The following PTGR2 variants were observed in gnomAD, a reference collection of about 807,000 sequenced individuals.
The protein encoded by PTGR2 is prostaglandin reductase 2.
A neutral mutation model predicts 43.4 loss-of-function variants in PTGR2; 32 were observed. That is an observed-to-expected ratio of 0.74 (90% CI 0.56 to 0.99). The LOEUF is 0.99. PTGR2 is among the 50% of genes least tolerant of loss of function. PTGR2 has a pLI of 0.00. For missense variants in PTGR2, 373 were observed against 420.0 expected, an observed-to-expected ratio of 0.89 and a Z score of 0.98; for synonymous variants, 106 against 139.2, an observed-to-expected ratio of 0.76 and a Z score of 1.68.
intron 7 of PTGR2, among the ~76,000 whole-genome samples, chr14:73,880,610 A>C (rs371795860): frequency 1.6e-4 from 25 of 151,824 alleles, no homozygotes; most frequent in Non-Finnish European, 2.4e-4. Flanking sequence ...ACAAAAAAAA[A>C]CCTTTAAAAT....
At chr14:73,862,930 ACTC>A (rs1437933011) in intron 3 of PTGR2, among the ~76,000 whole-genome samples, 1 of 151,668 alleles carries the variant, frequency 6.6e-6, no homozygotes, top group Non-Finnish European at 1.5e-5. Flanking sequence ...TTGGTCTTGA[ACTC>A]CTGGACTCAA....
intron 1 of PTGR2, among the ~76,000 whole-genome samples, chr14:73,856,150 C>T (rs2054341366): frequency 6.6e-6 from 1 of 152,170 alleles, no homozygotes; most frequent in East Asian, 1.9e-4. Flanking sequence ...CACATTCCCT[C>T]ACCACTCACT....
intron 5 of PTGR2, 119 bp downstream of exon 5, chr14:73,877,287 CT>C: frequency 2.1e-6 from 2 of 959,694 alleles, no homozygotes; most frequent in Non-Finnish European, 3.0e-6. Context: ...TTTTTTTTTT[CT>C]TTTTTGAGAC....
intron 7 of PTGR2, among the ~76,000 whole-genome samples, chr14:73,880,598 A>C (rs566406993): frequency 4.3e-4 from 57 of 133,692 alleles, no homozygotes; most frequent in African/African-American, 1.3e-3. Flanking sequence ...AAAAAAAAAA[A>C]AACAAAAAAA....
Position 73,884,379 on chromosome 14 carries a change from ATTAC to A in PTGR2, c.*205_*208del, listed in dbSNP as rs556003258. On this transcript the variant is annotated 3_prime_UTR_variant, in exon 10 of 10. Transcript: ENST00000555661. Reference sequence around the variant, plus strand: ...TTTTAAAAATTAATAACTTTTAGTAATTACTTTTATTAATTTAAAATAGAACGCT... The same window carrying A: ...TTTTAAAAATTAATAACTTTTAGTAATTTTATTAATTTAAAATAGAACGCT... The A allele has an allele frequency of 8.5e-4, 334 of 391,816 alleles. No individual in the cohort carries two copies. Among genetic ancestry groups the A allele is most frequent in the African/African-American group, 6.3e-3 (296 of 47,250 alleles). The allele number at this position is 391,816 out of a possible 1,614,324, so 24.3% of individuals were successfully genotyped here.
chr14:73,877,711 T>C (rs2054897075), intron 5 of PTGR2: 1 of 152,128 alleles, frequency 6.6e-6, no homozygotes, highest in Non-Finnish European at 1.5e-5. Flanking sequence ...ATATAGTAAA[T>C]GCTAAAGCTT....
At position 73,873,654 on chromosome 14, in the gene PTGR2, GGGTTTCACCATGTT is replaced by G. The variant is rs750920208; in HGVS notation, c.157-366_157-353del. Among the ~76,000 whole-genome samples, 376 of 151,740 alleles carry G rather than the reference GGGTTTCACCATGTT, an allele frequency of 2.5e-3. 2 individuals are homozygous for G. The highest frequency in any genetic ancestry group is 4.4e-3 in the Non-Finnish European group (302 of 67,982). ...TAATTTTTGTATTTTTGCAGAGATG[GGGTTTCACCATGTT>G]GGCCAGGCTGTTCTTGAACTCCTGA... On this transcript the variant is annotated intron_variant, in intron 3 of 9. Coordinates refer to ENST00000555661, the MANE Select transcript of PTGR2 (RefSeq NM_001146154.2).
chr14:73,876,621 G>A (rs534791356), intron 4 of PTGR2, among the ~76,000 whole-genome samples: 9 of 151,580 alleles, frequency 5.9e-5, no homozygotes, highest in African/African-American at 1.4e-4. Context: ...GATTACAGGC[G>A]CATGCCACCA....
intron 1 of PTGR2, chr14:73,858,079 T>C (rs2054402716): frequency 6.6e-6 from 1 of 152,078 alleles, no homozygotes; most frequent in South Asian, 2.1e-4. Flanking sequence ...AAGTGCAGTA[T>C]TGAGAAGGGA....
intron 9 of PTGR2, among the ~76,000 whole-genome samples, chr14:73,883,227 A>C (rs1358853343): frequency 1.5e-5 from 1 of 65,300 alleles, no homozygotes; most frequent in Admixed American, 2.2e-4. Flanking sequence ...TTTTAAAGAG[A>C]TGATCTTGCT....
intron 9 of PTGR2, among the ~76,000 whole-genome samples, 189 bp downstream of exon 9, chr14:73,882,627 A>T (rs527484038): frequency 1.3e-4 from 20 of 151,960 alleles, no homozygotes; most frequent in African/African-American, 4.8e-4. Flanking sequence ...CAGCCTCCCA[A>T]GTAGCTGGGA....
Position 73,882,800 on chromosome 14 carries a change from C to CTTTTTTTTTTTTTT in PTGR2, c.979+387_979+400dup, listed in dbSNP as rs35651032. Among the ~76,000 whole-genome samples the CTTTTTTTTTTTTTT allele has an allele frequency of 4.8e-5, 2 of 41,868 alleles. 1 individual carries two copies. The highest frequency in any genetic ancestry group is 1.9e-4 in the African/African-American group (2 of 10,810). 27.5% of individuals were successfully genotyped at this position (41,868 alleles called of 152,430 possible). On this transcript the variant is annotated intron_variant, in intron 9 of 9. Coordinates refer to ENST00000555661, the MANE Select transcript of PTGR2 (RefSeq NM_001146154.2). ...CAAGCGTGAGCCACCACGCCTGGCCCTTTTTTTTTTTTTTTTTTTTTTTTT... is the reference window on the plus strand; with the variant it reads ...CAAGCGTGAGCCACCACGCCTGGCCCTTTTTTTTTTTTTTTTTTTTTTTTTTTTTTTTTTTTTTT...
intron 1 of PTGR2, chr14:73,858,606 C>T (rs2054416861): frequency 3.0e-6 from 1 of 329,698 alleles, no homozygotes; most frequent in Non-Finnish European, 5.8e-6. Context: ...CTTCAATGAA[C>T]TTGTTCCTAT....
intron 3 of PTGR2, among the ~76,000 whole-genome samples, chr14:73,862,492 C>A (rs920078825): frequency 2.0e-5 from 3 of 152,158 alleles, no homozygotes; most frequent in Non-Finnish European, 4.4e-5. Flanking sequence ...CAGGCGTGAG[C>A]CACTGCGCCT....
intron 4 of PTGR2, chr14:73,874,536 G>T: frequency 2.1e-6 from 1 of 474,228 alleles, no homozygotes; most frequent in East Asian, 6.3e-5. Context: ...GGGACCAGAT[G>T]GTTGAAGGTG....
Position 73,874,239 on chromosome 14 carries a change from AT to A in PTGR2, c.348+33del, listed in dbSNP as rs148436598. The A allele has an allele frequency of 9.5e-3, 14,376 of 1,511,578 alleles. 102 individuals carry two copies. The highest frequency in any genetic ancestry group is 0.012 in the Non-Finnish European group (12,898 of 1,110,042). The allele number at this position is 1,511,578 out of a possible 1,614,324, so 93.6% of individuals were successfully genotyped here. A position where few individuals can be genotyped will look rare whatever the true frequency, so the allele number is the denominator to read the frequency against. On this transcript the variant is annotated intron_variant, in intron 4 of 9. Coordinates refer to ENST00000555661, the MANE Select transcript of PTGR2 (RefSeq NM_001146154.2). Reference sequence around the variant, plus strand: ...GGTGATATATATATGAACATATCTGATTTTTTTTCCCCGTATAATTCTTACT... The same window carrying A: ...GGTGATATATATATGAACATATCTGATTTTTTTCCCCGTATAATTCTTACT...
chr14:73,881,769 A>ATTTT (rs2054993272), intron 8 of PTGR2, among the ~76,000 whole-genome samples: 1 of 84,858 alleles, frequency 1.2e-5, no homozygotes, highest in African/African-American at 5.0e-5. Context: ...GGCCTAGGCT[A>ATTTT]TTCTTTTTTT....
chr14:73,879,814 GCAA>G (rs1267490807), intron 6 of PTGR2: 10 of 447,590 alleles, frequency 2.2e-5, no homozygotes, highest in African/African-American at 1.6e-4. Flanking sequence ...CTAATAAGTA[GCAA>G]CAACAACTAA....
intron 3 of PTGR2, among the ~76,000 whole-genome samples, chr14:73,872,552 T>G (rs1262570081): frequency 6.6e-6 from 1 of 152,192 alleles, no homozygotes; most frequent in Non-Finnish European, 1.5e-5. Flanking sequence ...TCTTTTAAAT[T>G]TTTAGCTTTA....
Sources: gnomAD v4.1 joint callset for allele counts (sites outside exome capture counted in the v4.1 genomes callset) on GRCh38, gnomAD v4.1.1 for gene constraint, MANE v1.5 for transcripts, NCBI Gene and HGNC (gene_info 2026-07-23, HGNC 2026-07-21) for gene names.